Variants in TBC1D2 observed in about 807,000 individuals in gnomAD.
TBC1D2 encodes the protein TBC1 domain family member 2A.
Under a neutral mutation model 91.1 loss-of-function variants are expected in TBC1D2, and 58 were observed. The ratio of observed to expected loss-of-function variants is 0.64; its 90% confidence interval spans 0.52 to 0.79. TBC1D2 has a LOEUF of 0.79. TBC1D2 is among the 30% of genes least tolerant of loss of function. The pLI, the probability that TBC1D2 is intolerant of heterozygous loss-of-function variation, is 0.00. For synonymous variants in TBC1D2, 482 were observed against 511.5 expected, an observed-to-expected ratio of 0.94 and a Z score of 0.78; for missense variants, 1,080 against 1,208.3, an observed-to-expected ratio of 0.89 and a Z score of 1.57.
Position 98,255,511 on chromosome 9 carries a change from A to C in TBC1D2, c.31T>G (p.Ser11Ala). The C allele has an allele frequency of 6.5e-7, 1 of 1,540,132 alleles. No homozygotes were observed. The highest frequency in any genetic ancestry group is 8.8e-7 in the Non-Finnish European group (1 of 1,142,308). ...TCGGACCCAGGGGCAGAGGAGCTGG[A>C]CTCCGGGGCGTTCTCCCCAGCGCCC... is the stretch of plus-strand genomic sequence containing the variant. Reference protein sequence around the residue: MEGAGENAPESSSSAPGSEES... With the variant: MEGAGENAPEASSSAPGSEES... Residue 11 changes from serine to alanine, a missense_variant, in exon 1 of 13, where the codon TCC (serine) becomes GCC (alanine). Ser to Ala is a moderately conservative substitution (Grantham distance 99). Transcript: ENST00000465784.
At chr9:98,208,247 C>T (rs1365103329) in intron 9 of TBC1D2, among the ~76,000 whole-genome samples, 1 of 152,124 alleles carries the variant, frequency 6.6e-6, no homozygotes, top group East Asian at 1.9e-4. Context: ...CTCATGTCTT[C>T]AGGTTCTTGG....
intron 4 of TBC1D2, among the ~76,000 whole-genome samples, chr9:98,231,134 T>C (rs1417096630): frequency 1.3e-5 from 2 of 152,088 alleles, no homozygotes; most frequent in Non-Finnish European, 2.9e-5. Flanking sequence ...GCCCAGTTTA[T>C]AATTAGAGAA....
chr9:98,207,403 C>T (rs1056193367), intron 9 of TBC1D2, among the ~76,000 whole-genome samples: 1 of 152,198 alleles, frequency 6.6e-6, no homozygotes, highest in Non-Finnish European at 1.5e-5. Context: ...AACTATGCAG[C>T]TTCTACTGAA....
At chr9:98,215,673 A>T (rs1828953439) in intron 6 of TBC1D2, among the ~76,000 whole-genome samples, 1 of 152,056 alleles carries the variant, frequency 6.6e-6, no homozygotes. Flanking sequence ...ATGCCTAGCT[A>T]ATTTTTTGAT....
chr9:98,231,893 ATGGTATATTCCT>A (rs1389169048), intron 4 of TBC1D2, among the ~76,000 whole-genome samples: 1 of 152,202 alleles, frequency 6.6e-6, no homozygotes, highest in Non-Finnish European at 1.5e-5. Flanking sequence ...CAGTCACAGC[ATGGTATATTCCT>A]TGGTATATTC....
intron 2 of TBC1D2, among the ~76,000 whole-genome samples, chr9:98,249,804 C>T (rs1829834766): frequency 6.6e-6 from 1 of 152,184 alleles, no homozygotes; most frequent in South Asian, 2.1e-4. Flanking sequence ...ATTAGGACAA[C>T]TCCCATGTAT....
intron 10 of TBC1D2, among the ~76,000 whole-genome samples, chr9:98,202,100 T>C (rs1320802243): frequency 6.6e-6 from 1 of 152,218 alleles, no homozygotes; most frequent in African/African-American, 2.4e-5. Flanking sequence ...CCCTTCTCTA[T>C]ACCCAATTTG....
At chr9:98,232,257 T>G (rs1230463421) in intron 4 of TBC1D2, among the ~76,000 whole-genome samples, 1 of 151,996 alleles carries the variant, frequency 6.6e-6, no homozygotes, top group African/African-American at 2.4e-5. Flanking sequence ...GGCCTTCTCT[T>G]GGACTGCTTG....
chr9:98,212,792 C>T (rs1442383262), intron 7 of TBC1D2, among the ~76,000 whole-genome samples: 1 of 152,218 alleles, frequency 6.6e-6, no homozygotes, highest in Non-Finnish European at 1.5e-5. Flanking sequence ...GTGTGAGCCA[C>T]CACGCCTGGC....
chr9:98,248,475 A>G (rs1390404344), intron 2 of TBC1D2, among the ~76,000 whole-genome samples: 1 of 152,198 alleles, frequency 6.6e-6, no homozygotes, highest in East Asian at 1.9e-4. Context: ...TGCCTAGACA[A>G]AAAAAGGGCC....
intron 7 of TBC1D2, 134 bp downstream of exon 7, chr9:98,212,974 G>T: frequency 1.1e-6 from 1 of 915,910 alleles, no homozygotes; most frequent in Non-Finnish European, 1.7e-6. Context: ...CCTGATATGG[G>T]CCCTGCTCAC....
chr9:98,250,490 TG>T (rs1829850058), intron 2 of TBC1D2, among the ~76,000 whole-genome samples: 1 of 151,968 alleles, frequency 6.6e-6, no homozygotes, highest in South Asian at 2.1e-4. Context: ...GTCTGATGTA[TG>T]GGTCAGAGGG....
intron 3 of TBC1D2, among the ~76,000 whole-genome samples, chr9:98,236,624 G>A (rs1390234120): frequency 6.6e-6 from 1 of 152,208 alleles, no homozygotes; most frequent in Non-Finnish European, 1.5e-5. Context: ...ACAGCATGAA[G>A]TTTCTAGTGC....
At chr9:98,216,525 G>C (rs1167277725) in intron 6 of TBC1D2, among the ~76,000 whole-genome samples, 2 of 152,174 alleles carry the variant, frequency 1.3e-5, no homozygotes, top group Non-Finnish European at 2.9e-5. Context: ...TCACGAAAGA[G>C]AGCCAGGATC....
rs36035887 is a variant in TBC1D2 at position 98,242,803 on chromosome 9, CTTT to C, written c.647+1188_647+1190del. Among the ~76,000 whole-genome samples the C allele has an allele frequency of 3.5e-3, 295 of 83,144 alleles. 3 individuals are homozygous for C. Among genetic ancestry groups the C allele is most frequent in the Non-Finnish European group, 4.2e-3 (195 of 46,080 alleles). 54.5% of individuals were successfully genotyped at this position (83,144 alleles called of 152,430 possible). ...TCCAAAGCCCAGGCCACACTGCTGC[CTTT>C]TTTTTTTTTTTTTTTTTTTTTTTTG... On this transcript the variant is annotated intron_variant, in intron 3 of 12. Transcript: ENST00000465784.
chr9:98,238,729 G>GT (rs143516752), intron 3 of TBC1D2, among the ~76,000 whole-genome samples: 3,916 of 135,394 alleles, frequency 0.029, 1,309 homozygotes, highest in African/African-American at 0.14. Context: ...CGTTCTACTT[G>GT]TTTTTTTTGT....
chr9:98,249,739 G>C (rs527668993), intron 2 of TBC1D2, among the ~76,000 whole-genome samples: 53 of 152,320 alleles, frequency 3.5e-4, no homozygotes, highest in African/African-American at 8.2e-4. Context: ...TATTATGATA[G>C]TAATAGCATG....
intron 9 of TBC1D2, among the ~76,000 whole-genome samples, chr9:98,204,701 C>G (rs1828603478): frequency 6.6e-6 from 1 of 152,152 alleles, no homozygotes; most frequent in Non-Finnish European, 1.5e-5. Context: ...AAATTTGGTT[C>G]AGATATTTGT....
chr9:98,227,781 CAAAA>C (rs142610908), intron 5 of TBC1D2, among the ~76,000 whole-genome samples: 5 of 106,032 alleles, frequency 4.7e-5, no homozygotes, highest in Admixed American at 3.1e-4. Context: ...GACTCTGTCT[CAAAA>C]AAAAAAAAAA....
Sources: allele counts gnomAD v4.1 joint callset (sites outside exome capture counted in the v4.1 genomes callset), GRCh38; gene constraint gnomAD v4.1.1; transcripts MANE v1.5; gene names NCBI Gene and HGNC (gene_info 2026-07-23, HGNC 2026-07-21).